The following LUZP2 variants were observed in gnomAD, a reference collection of about 807,000 sequenced individuals.
The protein encoded by LUZP2 is leucine zipper protein 2.
Under a neutral mutation model 51.6 loss-of-function variants are expected in LUZP2, and 52 were observed. The observed-to-expected ratio is 1.01, with a 90% CI of 0.81 to 1.27. The LOEUF (loss-of-function observed/expected upper bound fraction) is 1.27. LUZP2 is among the 50% of genes most tolerant of loss of function. The probability of loss-of-function intolerance (pLI) is 0.00; values close to 1 mark genes in which losing one functional copy is unlikely to be tolerated. For missense variants in LUZP2, 436 were observed against 395.4 expected (o/e 1.10, Z -0.87); for synonymous variants, 154 against 137.3 (o/e 1.12, Z -0.85).
intron 1 of LUZP2, among the ~76,000 whole-genome samples, chr11:24,702,916 G>A (rs1246262855): frequency 6.6e-6 from 1 of 152,136 alleles, no homozygotes; most frequent in Non-Finnish European, 1.5e-5. Context: ...TAGTTAAATG[G>A]GGAAAACTTA....
intron 1 of LUZP2, among the ~76,000 whole-genome samples, chr11:24,707,697 C>A (rs918705106): frequency 7.9e-5 from 12 of 152,086 alleles, no homozygotes; most frequent in African/African-American, 2.4e-4. Flanking sequence ...GCCTTTCTGC[C>A]TTTTTGTTTT....
chr11:24,921,258 G>T (rs1029107001), intron 7 of LUZP2, among the ~76,000 whole-genome samples: 4 of 152,150 alleles, frequency 2.6e-5, no homozygotes, highest in African/African-American at 9.7e-5. Context: ...CAGAAAAGTG[G>T]TTGCTTATAT....
At chr11:24,711,656 G>T (rs940435825) in intron 1 of LUZP2, among the ~76,000 whole-genome samples, 3 of 151,952 alleles carry the variant, frequency 2.0e-5, no homozygotes, top group Admixed American at 6.6e-5. Flanking sequence ...TTTAAAATTT[G>T]TAATTTGATT....
intron 10 of LUZP2, among the ~76,000 whole-genome samples, chr11:25,061,602 G>A (rs1858839077): frequency 6.6e-6 from 1 of 152,066 alleles, no homozygotes; most frequent in Non-Finnish European, 1.5e-5. Flanking sequence ...CAGATCTTGG[G>A]TACTTTACTA....
At chr11:24,602,191 T>G (rs1254324666) in intron 1 of LUZP2, among the ~76,000 whole-genome samples, 1 of 129,630 alleles carries the variant, frequency 7.7e-6, no homozygotes, top group Admixed American at 8.8e-5. Context: ...TATATATGTA[T>G]ATATGTACAT....
rs1217946888 is a variant in LUZP2, at chr11:24,983,187, A to T, written c.659A>T (p.Asp220Val). ...CTCTGCTTGACATCTGTTTTCCGTGATCAGCCTCCTCCCCCTTTGAGTTTA... is the reference window on the plus strand; with the variant it reads ...CTCTGCTTGACATCTGTTTTCCGTGTTCAGCCTCCTCCCCCTTTGAGTTTA... ...VQLCLTSVFR[D>V]QPPPPLSLIT... is the part of the protein sequence containing the mutation. The change falls in exon 9 of 12, where the codon GAT (aspartate) becomes GTT (valine). Residue 220 changes from aspartate to valine, a missense_variant. Transcript: ENST00000336930. 5.6e-6 allele frequency: 9 copies of T among 1,612,292 alleles called. No homozygotes were observed. In the East Asian group the frequency reaches 2.0e-4, roughly 36 times the overall value.
At chr11:24,644,753 C>T (rs191861612) in intron 1 of LUZP2, among the ~76,000 whole-genome samples, 126 of 152,250 alleles carry the variant, frequency 8.3e-4, no homozygotes, top group African/African-American at 2.9e-3. Context: ...GACTTCTTAA[C>T]TGTGTTAGCA....
chr11:24,637,246 T>A (rs906217356), intron 1 of LUZP2, among the ~76,000 whole-genome samples: 2 of 151,746 alleles, frequency 1.3e-5, no homozygotes, highest in African/African-American at 4.9e-5. Flanking sequence ...TTCATGGACA[T>A]TTATCAGTTC....
intron 5 of LUZP2, among the ~76,000 whole-genome samples, chr11:24,886,763 G>T (rs1039386099): frequency 6.6e-6 from 1 of 152,132 alleles, no homozygotes; most frequent in South Asian, 2.1e-4. Context: ...ACATGGTTTA[G>T]ATCTAGTCTA....
chr11:24,916,010 T>A (rs1049488576), intron 7 of LUZP2, among the ~76,000 whole-genome samples: 19 of 152,014 alleles, frequency 1.2e-4, no homozygotes, highest in African/African-American at 4.3e-4. Flanking sequence ...TTATTTATTT[T>A]TTTTAGTAAA....
At chr11:25,047,368 CTTTTTTTTA>C (rs1565278698) in intron 9 of LUZP2, among the ~76,000 whole-genome samples, 3 of 35,536 alleles carry the variant, frequency 8.4e-5, no homozygotes, top group African/African-American at 3.6e-4. Context: ...TTTTAATTTT[CTTTTTTTTA>C]TTTTTTTTAA....
intron 5 of LUZP2, among the ~76,000 whole-genome samples, chr11:24,886,850 T>C (rs985246332): frequency 3.3e-5 from 5 of 152,210 alleles, no homozygotes; most frequent in African/African-American, 1.2e-4. Flanking sequence ...CTCTCAAAGT[T>C]CCCTGCCTGC....
At chr11:24,813,938 G>A (rs752766436) in intron 5 of LUZP2, among the ~76,000 whole-genome samples, 15 of 152,180 alleles carry the variant, frequency 9.9e-5, no homozygotes, top group Non-Finnish European at 1.6e-4. Context: ...AGTTTGTCAT[G>A]TGCAAACCGG....
chr11:24,901,421 TGAA>T (rs1448398973), intron 5 of LUZP2, among the ~76,000 whole-genome samples: 1 of 150,600 alleles, frequency 6.6e-6, no homozygotes, highest in Non-Finnish European at 1.5e-5. Context: ...AAAGGTAACT[TGAA>T]GAGGATTATA....
chr11:24,745,867 G>A (rs898326802), intron 4 of LUZP2, among the ~76,000 whole-genome samples: 4 of 151,992 alleles, frequency 2.6e-5, no homozygotes, highest in African/African-American at 9.7e-5. Context: ...TAGTAGAGAT[G>A]GGGTTTCGCC....
intron 1 of LUZP2, among the ~76,000 whole-genome samples, chr11:24,601,931 T>C (rs1853664166): frequency 7.3e-6 from 1 of 137,836 alleles, no homozygotes; most frequent in Non-Finnish European, 1.6e-5. Context: ...TATATATATG[T>C]ATATATGTAT....
At chr11:24,497,335 C>A in intron 1 of LUZP2, 30 bp downstream of exon 1, 1 of 1,473,740 alleles carries the variant, frequency 6.8e-7, no homozygotes, top group South Asian at 1.3e-5. Context: ...TGACCTGAGG[C>A]CAGGGGCGCT....
chr11:24,869,546 T>G (rs1851995727), intron 5 of LUZP2, among the ~76,000 whole-genome samples: 1 of 152,100 alleles, frequency 6.6e-6, no homozygotes, highest in Non-Finnish European at 1.5e-5. Context: ...AACCTCTGCC[T>G]TCGGGGTTCA....
intron 5 of LUZP2, chr11:24,890,818 C>T (rs1852828238): frequency 1.4e-6 from 1 of 720,282 alleles, no homozygotes; most frequent in Admixed American, 6.4e-5. Context: ...TATGAATATG[C>T]TAACAGAAAT....
Sources: gnomAD v4.1 joint callset for allele counts (sites outside exome capture counted in the v4.1 genomes callset) on GRCh38, gnomAD v4.1.1 for gene constraint, MANE v1.5 for transcripts, NCBI Gene and HGNC (gene_info 2026-07-23, HGNC 2026-07-21) for gene names.